Variants in RANBP2 observed in about 807,000 individuals in gnomAD.
RANBP2 encodes the protein RAN binding protein 2, also known as E3 SUMO-protein ligase RanBP2.
In RANBP2, 57 loss-of-function variants were observed where a neutral mutation model predicts 303.6. That is an observed-to-expected ratio of 0.19 (90% CI 0.15 to 0.23). The LOEUF is 0.23. RANBP2 is among the 10% of genes least tolerant of loss of function. RANBP2 has a pLI of 1.00. For missense variants in RANBP2, 3,138 were observed against 3,780.8 expected (o/e 0.83, Z 4.46); for synonymous variants, 1,167 against 1,301.5 (o/e 0.90, Z 2.23).
At chr2:108,793,359 A>G in the RANBP2 span, among the ~76,000 whole-genome samples, 4 of 151,976 alleles carry the variant, frequency 2.6e-5, no homozygotes, top group African/African-American at 9.7e-5. Context: ...CAACAACAAA[A>G]AAACACTGAC....
At chr2:108,820,365 G>A in the RANBP2 span, among the ~76,000 whole-genome samples, 2 of 152,146 alleles carry the variant, frequency 1.3e-5, no homozygotes, top group Non-Finnish European at 2.9e-5. Flanking sequence ...TATGTGTAAT[G>A]TAAGTCTTGG....
chr2:109,067,515 C>T, the RANBP2 span, among the ~76,000 whole-genome samples: 21,048 of 152,168 alleles, frequency 0.14, 1,554 homozygotes, highest in Non-Finnish European at 0.17. Flanking sequence ...CTCCAGGACT[C>T]GGGCAAGTCC....
At chr2:109,742,340 G>A in the RANBP2 span, among the ~76,000 whole-genome samples, 1 of 121,760 alleles carries the variant, frequency 8.2e-6, no homozygotes, top group South Asian at 3.2e-4. Flanking sequence ...AGAATTGCTT[G>A]TACCTGGGAG....
chr2:109,205,966 A>C, the RANBP2 span, among the ~76,000 whole-genome samples: 1 of 152,188 alleles, frequency 6.6e-6, no homozygotes, highest in Admixed American at 6.5e-5. Flanking sequence ...TAACATTGAG[A>C]TTTACCATGT....
the RANBP2 span, among the ~76,000 whole-genome samples, chr2:108,917,830 G>C: frequency 6.6e-6 from 1 of 152,126 alleles, no homozygotes. Flanking sequence ...GCAGCAATGG[G>C]TGTGGTTTGA....
At chr2:108,808,586 C>T in the RANBP2 span, among the ~76,000 whole-genome samples, 1 of 152,038 alleles carries the variant, frequency 6.6e-6, no homozygotes, top group African/African-American at 2.4e-5. Flanking sequence ...ATCATGGTTT[C>T]GATTTGCATT....
the RANBP2 span, among the ~76,000 whole-genome samples, chr2:109,078,589 G>C: frequency 6.7e-6 from 1 of 149,190 alleles, no homozygotes; most frequent in Non-Finnish European, 1.5e-5. Context: ...AAGTTCTAGG[G>C]GTCTAAGGTA....
At chr2:109,408,540 C>T in the RANBP2 span, among the ~76,000 whole-genome samples, 2 of 152,228 alleles carry the variant, frequency 1.3e-5, no homozygotes, top group Admixed American at 6.5e-5. Context: ...AGGCCGGGTT[C>T]GCTCTCAGGA....
chr2:108,865,161 A>G, the RANBP2 span, among the ~76,000 whole-genome samples: 5 of 152,104 alleles, frequency 3.3e-5, no homozygotes, highest in African/African-American at 1.2e-4. Flanking sequence ...GATATATATT[A>G]TGATCAGCAT....
the RANBP2 span, among the ~76,000 whole-genome samples, chr2:109,625,450 C>T: frequency 4.7e-5 from 7 of 148,688 alleles, no homozygotes; most frequent in Admixed American, 3.4e-4. Flanking sequence ...GTCAGGAGAT[C>T]GAGACCACCC....
At chr2:109,728,467 A>G in the RANBP2 span, among the ~76,000 whole-genome samples, 1 of 150,988 alleles carries the variant, frequency 6.6e-6, no homozygotes, top group African/African-American at 2.4e-5. Flanking sequence ...ATTTTTTTTT[A>G]TTTTTTGAGA....
At chr2:109,520,152 G>T in the RANBP2 span, among the ~76,000 whole-genome samples, 1 of 152,232 alleles carries the variant, frequency 6.6e-6, no homozygotes, top group Non-Finnish European at 1.5e-5. Context: ...GGAAAATTTA[G>T]TGAAGGATAT....
chr2:109,049,973 C>T, the RANBP2 span, among the ~76,000 whole-genome samples: 1 of 152,158 alleles, frequency 6.6e-6, no homozygotes, highest in African/African-American at 2.4e-5. Flanking sequence ...TCCACACCAC[C>T]GTGAGCGTGT....
the RANBP2 span, among the ~76,000 whole-genome samples, chr2:109,471,206 CA>C: frequency 0.01 from 419 of 40,154 alleles, 1 homozygote; most frequent in East Asian, 0.047. Flanking sequence ...GACTCTGTCT[CA>C]AAAAAAAAAA....
chr2:109,342,773 G>C, the RANBP2 span, among the ~76,000 whole-genome samples: 1 of 152,214 alleles, frequency 6.6e-6, no homozygotes, highest in African/African-American at 2.4e-5. Flanking sequence ...TTGTGCCCAC[G>C]TGAGCGCCAT....
chr2:109,318,296 C>T, the RANBP2 span, among the ~76,000 whole-genome samples: 9 of 152,004 alleles, frequency 5.9e-5, no homozygotes, highest in African/African-American at 1.7e-4. Context: ...TGCGACTGCT[C>T]CTCCTAGCGT....
chr2:109,102,463 T>C, the RANBP2 span, among the ~76,000 whole-genome samples: 2 of 151,794 alleles, frequency 1.3e-5, no homozygotes, highest in Non-Finnish European at 2.9e-5. Flanking sequence ...AGAAAAAAAC[T>C]AAAATAAAAG....
At chr2:109,062,296 G>A in the RANBP2 span, among the ~76,000 whole-genome samples, 1 of 152,210 alleles carries the variant, frequency 6.6e-6, no homozygotes, top group Non-Finnish European at 1.5e-5. Flanking sequence ...TTTAAGCCAA[G>A]GGCAGTCATT....
rs566157527 is a variant in RANBP2 at position 108,720,095 on chromosome 2, G to C, written c.72+417G>C. The C allele has an allele frequency of 2.2e-4, 221 of 984,454 alleles. 1 individual carries two copies. In the African/African-American group the frequency reaches 3.3e-3, roughly 15 times the overall value. The allele number at this position is 984,454 out of a possible 1,614,324, so 61.0% of individuals were successfully genotyped here. ...TACTTTATATGCTGCGGCGGAGGTC[G>C]TACCTCCTTGGCCTGGAGGAACCCA... On this transcript the variant is annotated intron_variant, in intron 1 of 28. Transcript: ENST00000283195.
Sources: allele counts gnomAD v4.1 joint callset (sites outside exome capture counted in the v4.1 genomes callset), GRCh38; gene constraint gnomAD v4.1.1; transcripts MANE v1.5; gene names NCBI Gene and HGNC (gene_info 2026-07-23, HGNC 2026-07-21).